Variants in EDARADD observed in about 807,000 individuals in gnomAD.
EDARADD encodes the protein ectodysplasin-A receptor-associated adapter protein.
EDARADD carries 20 observed loss-of-function variants against 25.6 expected under a neutral mutation model. That is an observed-to-expected ratio of 0.78 (90% CI 0.55 to 1.14). EDARADD has a LOEUF of 1.14. Among genes scored for constraint, EDARADD ranks in the 50% most tolerant of loss-of-function variants. The pLI, the probability that EDARADD is intolerant of heterozygous loss-of-function variation, is 0.00. For synonymous variants in EDARADD, 86 were observed against 94.4 expected (o/e 0.91, Z 0.52); for missense variants, 225 against 270.1 (o/e 0.83, Z 1.17).
chr1:236,483,810 A>G lies in EDARADD; in HGVS notation c.*1161A>G, dbSNP rs1571964958. 9.0e-6 allele frequency: 13 copies of G among 1,438,858 alleles called. No individual in the cohort carries two copies. In the South Asian group the frequency reaches 1.4e-4, roughly 15 times the overall value. 89.1% of individuals were successfully genotyped at this position (1,438,858 alleles called of 1,614,324 possible). On this transcript the variant is annotated 3_prime_UTR_variant, in exon 6 of 6. Coordinates refer to ENST00000334232, the MANE Select transcript of EDARADD (RefSeq NM_145861.4). ...GGGGGATGGAGGCGCGTTTGCTCCC[A>G]ACATCCTGGAGAATAAAGAAGGCCT... is the stretch of plus-strand genomic sequence containing the variant.
chr1:236,394,151 A>G, upstream of EDARADD: 2 of 407,684 alleles, frequency 4.9e-6, no homozygotes, highest in South Asian at 2.7e-5. Flanking sequence ...AGCTCACTCA[A>G]CTAGTGTTTC....
intron 4 of EDARADD, among the ~76,000 whole-genome samples, chr1:236,460,723 C>T (rs191631261): frequency 2.6e-4 from 40 of 152,158 alleles, no homozygotes; most frequent in African/African-American, 9.4e-4. Flanking sequence ...AAATGTGTTC[C>T]AAAGAGTTAC....
At chr1:236,414,596 C>T (rs544613687) in intron 3 of EDARADD, among the ~76,000 whole-genome samples, 1 of 152,188 alleles carries the variant, frequency 6.6e-6, no homozygotes, top group African/African-American at 2.4e-5. Context: ...ACAGCTGGGA[C>T]TTTGGGTTGC....
intron 1 of EDARADD, among the ~76,000 whole-genome samples, chr1:236,406,102 A>T: frequency 6.6e-6 from 1 of 151,398 alleles, no homozygotes; most frequent in Non-Finnish European, 1.5e-5. Context: ...CACTGTGTTG[A>T]TGCTATTAAC....
intron 5 of EDARADD, among the ~76,000 whole-genome samples, chr1:236,472,254 T>G (rs1407028779): frequency 6.6e-6 from 1 of 152,136 alleles, no homozygotes; most frequent in African/African-American, 2.4e-5. Flanking sequence ...TGGGTGTAAT[T>G]CCAAAATCTA....
rs1021996511 is a variant in EDARADD at position 236,484,514 on chromosome 1, C to T, written c.*1865C>T. The T allele has an allele frequency of 6.7e-7, 1 of 1,502,560 alleles. No individual in the cohort carries two copies. The highest frequency in any genetic ancestry group is 1.4e-5 in the African/African-American group (1 of 73,174). 93.1% of individuals were successfully genotyped at this position (1,502,560 alleles called of 1,614,324 possible). On this transcript the variant is annotated 3_prime_UTR_variant, in exon 6 of 6. Transcript: ENST00000334232. This position sits in a 1 kb window ranked among gnomAD's most constrained non-coding sequence, Gnocchi z 4.1. The stretch of plus-strand genomic sequence containing the variant: ...TTCAGTCACCTGGTGGCTAATTAGA[C>T]CCCTCCCCTTGTGTCAACTCCGGCA...
At chr1:236,452,502 C>A (rs988064236) in intron 4 of EDARADD, among the ~76,000 whole-genome samples, 7 of 151,160 alleles carry the variant, frequency 4.6e-5, no homozygotes, top group Non-Finnish European at 8.9e-5. Flanking sequence ...CCGATCCCCC[C>A]TCTCTCTCTC....
At chr1:236,464,368 C>A (rs946258933) in intron 4 of EDARADD, among the ~76,000 whole-genome samples, 1 of 151,548 alleles carries the variant, frequency 6.6e-6, no homozygotes, top group East Asian at 1.9e-4. Context: ...TTGCCACAGC[C>A]TCCCAAAGTG....
intron 4 of EDARADD, among the ~76,000 whole-genome samples, chr1:236,444,034 GC>G (rs1658469957): frequency 6.6e-6 from 1 of 152,084 alleles, no homozygotes; most frequent in African/African-American, 2.4e-5. Context: ...CAGCATCAAG[GC>G]AAGACCCTCC....
At chr1:236,417,438 T>C (rs1657667823) in intron 3 of EDARADD, among the ~76,000 whole-genome samples, 1 of 152,236 alleles carries the variant, frequency 6.6e-6, no homozygotes, top group Admixed American at 6.5e-5. Flanking sequence ...AATAATCAGC[T>C]GTGGAAATCT....
chr1:236,378,365 G>A (rs1667250573), intron 3 of EDARADD, among the ~76,000 whole-genome samples: 1 of 152,168 alleles, frequency 6.6e-6, no homozygotes, highest in Admixed American at 6.5e-5. Flanking sequence ...GGAGCCTGAA[G>A]TTTTCATTGC....
chr1:236,355,509 T>C, intron 3 of EDARADD, among the ~76,000 whole-genome samples: 1 of 132,160 alleles, frequency 7.6e-6, no homozygotes. Flanking sequence ...TCTTTTTTTT[T>C]TTTTTTTTTT....
intron 3 of EDARADD, among the ~76,000 whole-genome samples, chr1:236,385,383 T>C (rs1443138031): frequency 8.1e-6 from 1 of 123,414 alleles, no homozygotes; most frequent in South Asian, 2.8e-4. Context: ...CACTCCAGCC[T>C]GGGCGACAGA....
At chr1:236,422,996 CAG>C (rs959568691) in intron 3 of EDARADD, among the ~76,000 whole-genome samples, 2 of 152,178 alleles carry the variant, frequency 1.3e-5, no homozygotes, top group Non-Finnish European at 2.9e-5. Context: ...ATGTGTAGAA[CAG>C]GGCCTGGGAG....
chr1:236,472,610 C>T (rs1659387781), intron 5 of EDARADD, among the ~76,000 whole-genome samples: 1 of 152,174 alleles, frequency 6.6e-6, no homozygotes, highest in East Asian at 1.9e-4. Flanking sequence ...CTCACTGCAA[C>T]CTCTGCCTCC....
In EDARADD at chr1:236,428,228, C is replaced by G. The variant is rs548126585; in HGVS notation, c.219+778C>G. On this transcript the variant is annotated intron_variant, in intron 4 of 5. Coordinates refer to ENST00000334232, the MANE Select transcript of EDARADD (RefSeq NM_145861.4). ...GTTTAACAAAGCACATCTTGCACCGCCCTTAATCCAATTAACCCTGAGTGG... is the reference window on the plus strand; with the variant it reads ...GTTTAACAAAGCACATCTTGCACCGGCCTTAATCCAATTAACCCTGAGTGG... Among the ~76,000 whole-genome samples the G allele has an allele frequency of 1.4e-3, 212 of 152,228 alleles. 4 individuals carry two copies. Among genetic ancestry groups the G allele is most frequent in the African/African-American group, 4.9e-3 (205 of 41,520 alleles).
chr1:236,478,861 C>T (rs1312554602), intron 5 of EDARADD, among the ~76,000 whole-genome samples: 1 of 152,210 alleles, frequency 6.6e-6, no homozygotes, highest in Non-Finnish European at 1.5e-5. Context: ...GCTGGGATTA[C>T]AGGCGTGAGC....
At chr1:236,404,456 A>C (rs777320982) in intron 1 of EDARADD, among the ~76,000 whole-genome samples, 2 of 152,174 alleles carry the variant, frequency 1.3e-5, no homozygotes, top group African/African-American at 2.4e-5. Flanking sequence ...GATACAGTGC[A>C]TGGGCGCCAC....
At chr1:236,478,063 A>G (rs1172758479) in intron 5 of EDARADD, among the ~76,000 whole-genome samples, 1 of 152,112 alleles carries the variant, frequency 6.6e-6, no homozygotes, top group Non-Finnish European at 1.5e-5. Context: ...AGATTGTGCC[A>G]CTGCACTCCA....
Sources: allele counts gnomAD v4.1 joint callset (sites outside exome capture counted in the v4.1 genomes callset), GRCh38; gene constraint gnomAD v4.1.1; non-coding constraint Gnocchi (gnomAD v3.1); transcripts MANE v1.5; gene names NCBI Gene and HGNC (gene_info 2026-07-23, HGNC 2026-07-21).